Variants in MARCHF1 observed in about 807,000 individuals in gnomAD.
MARCHF1 encodes E3 ubiquitin-protein ligase MARCHF1.
Under a neutral mutation model 54.2 loss-of-function variants are expected in MARCHF1, and 40 were observed. That is an observed-to-expected ratio of 0.74 (90% CI 0.57 to 0.96). The LOEUF (loss-of-function observed/expected upper bound fraction) is 0.96. MARCHF1 is among the 40% of genes least tolerant of loss of function. MARCHF1 has a pLI of 0.00. For missense variants in MARCHF1, 586 were observed against 656.5 expected (o/e 0.89, Z 1.17); for synonymous variants, 236 against 236.3 (o/e 1.00, Z 0.01).
At chr4:163,962,365 C>T (rs925479401) in intron 3 of MARCHF1, among the ~76,000 whole-genome samples, 11 of 151,518 alleles carry the variant, frequency 7.3e-5, no homozygotes, top group Non-Finnish European at 1.0e-4. Flanking sequence ...AGGAGAGGGG[C>T]GGAGGTGTGG....
intron 3 of MARCHF1, among the ~76,000 whole-genome samples, chr4:163,936,188 A>G (rs1218646765): frequency 3.3e-5 from 5 of 152,188 alleles, no homozygotes; most frequent in Non-Finnish European, 7.3e-5. Context: ...CAACTCCAAC[A>G]GTAACATCAA....
At chr4:164,326,070 T>G (rs576840714) in intron 1 of MARCHF1, among the ~76,000 whole-genome samples, 2 of 152,286 alleles carry the variant, frequency 1.3e-5, no homozygotes, top group East Asian at 1.9e-4. Context: ...TATTTTTCAT[T>G]CTAAACTCCC....
chr4:163,751,827 T>TGTGA (rs1554010515), intron 4 of MARCHF1, among the ~76,000 whole-genome samples: 51 of 151,318 alleles, frequency 3.4e-4, no homozygotes, highest in Non-Finnish European at 4.9e-4. Context: ...TGTGTGTGTG[T>TGTGA]GATGAGGAAA....
At chr4:164,146,562 A>G (rs992448757) in intron 1 of MARCHF1, among the ~76,000 whole-genome samples, 2 of 152,180 alleles carry the variant, frequency 1.3e-5, no homozygotes, top group African/African-American at 4.8e-5. Flanking sequence ...GAGAAAAACA[A>G]GCAATGGGGA....
chr4:164,363,118 C>T (rs969956672), intron 1 of MARCHF1, among the ~76,000 whole-genome samples: 14 of 151,950 alleles, frequency 9.2e-5, no homozygotes, highest in South Asian at 8.3e-4. Context: ...AAGTTAAACA[C>T]GGCAGACTTT....
At chr4:164,155,606 CACTT>C (rs1730056291) in intron 1 of MARCHF1, among the ~76,000 whole-genome samples, 1 of 152,014 alleles carries the variant, frequency 6.6e-6, no homozygotes, top group Non-Finnish European at 1.5e-5. Flanking sequence ...CACATGTTCT[CACTT>C]ACAAGTGGGA....
chr4:164,003,725 T>C (rs1419861264), intron 2 of MARCHF1, among the ~76,000 whole-genome samples: 1 of 152,096 alleles, frequency 6.6e-6, no homozygotes, highest in Non-Finnish European at 1.5e-5. Context: ...GAAGACAGTG[T>C]GGTGATGCCC....
intron 5 of MARCHF1, among the ~76,000 whole-genome samples, chr4:163,638,342 G>T (rs980752274): frequency 6.6e-6 from 1 of 152,008 alleles, no homozygotes; most frequent in Admixed American, 6.6e-5. Flanking sequence ...CTCATGAATG[G>T]CTTAGTCCCA....
intron 2 of MARCHF1, among the ~76,000 whole-genome samples, chr4:164,001,040 G>C (rs753740353): frequency 1.3e-5 from 2 of 151,666 alleles, no homozygotes; most frequent in Admixed American, 6.6e-5. Flanking sequence ...TGGACATTTA[G>C]ACAATATTAA....
intron 1 of MARCHF1, among the ~76,000 whole-genome samples, chr4:164,112,084 T>C (rs1755844262): frequency 6.6e-6 from 1 of 151,850 alleles, no homozygotes; most frequent in South Asian, 2.1e-4. Context: ...TCTAGTTGTT[T>C]GATAAAAATA....
chr4:163,874,265 C>T (rs1157724486), intron 3 of MARCHF1, among the ~76,000 whole-genome samples: 7 of 152,064 alleles, frequency 4.6e-5, no homozygotes, highest in Admixed American at 3.9e-4. Flanking sequence ...AGCCACGTGG[C>T]GGAAGTACAC....
At chr4:163,782,667 T>TC (rs1747500234) in intron 4 of MARCHF1, among the ~76,000 whole-genome samples, 2 of 32,438 alleles carry the variant, frequency 6.2e-5, no homozygotes, top group East Asian at 6.0e-4. Flanking sequence ...AGACTCCATC[T>TC]CCAAAAAAAA....
At chr4:164,075,876 A>C (rs17044451) in intron 2 of MARCHF1, among the ~76,000 whole-genome samples, 4,217 of 152,258 alleles carry the variant, frequency 0.028, 181 homozygotes, top group African/African-American at 0.096. Context: ...ACACATATGC[A>C]TATAGGAGCC....
chr4:163,582,986 T>C (rs533680335), intron 8 of MARCHF1, among the ~76,000 whole-genome samples: 11 of 152,218 alleles, frequency 7.2e-5, no homozygotes, highest in African/African-American at 2.6e-4. Context: ...TTTCTCTAGG[T>C]TTTTAAAGCC....
intron 1 of MARCHF1, among the ~76,000 whole-genome samples, chr4:164,299,946 T>C (rs1354199448): frequency 6.6e-6 from 1 of 152,166 alleles, no homozygotes; most frequent in Non-Finnish European, 1.5e-5. Context: ...GTGGTAGAAT[T>C]CACTAATTAT....
At chr4:164,111,763 T>A (rs1376944668) in intron 1 of MARCHF1, 101 bp from the exon 2 acceptor site, 3 of 151,704 alleles carry the variant, frequency 2.0e-5, no homozygotes, top group Non-Finnish European at 4.4e-5. Flanking sequence ...TTGTAGAAAT[T>A]TTGGGCCTAT....
At chr4:163,606,505 G>C (rs1741147486) in intron 7 of MARCHF1, among the ~76,000 whole-genome samples, 1 of 152,100 alleles carries the variant, frequency 6.6e-6, no homozygotes, top group South Asian at 2.1e-4. Context: ...AGAGAGAAAA[G>C]ATAACTGTGG....
At chr4:164,380,063 C>G (rs1168076699) in intron 1 of MARCHF1, among the ~76,000 whole-genome samples, 1 of 150,596 alleles carries the variant, frequency 6.6e-6, no homozygotes, top group African/African-American at 2.4e-5. Flanking sequence ...CATACAAAAA[C>G]TGAGTGAATT....
chr4:164,133,970 T>C (rs1314842964), intron 1 of MARCHF1, among the ~76,000 whole-genome samples: 4 of 152,234 alleles, frequency 2.6e-5, no homozygotes, highest in Admixed American at 6.5e-5. Context: ...CTTAATTATA[T>C]TGAAAATTTC....
Sources: allele counts gnomAD v4.1 joint callset (sites outside exome capture counted in the v4.1 genomes callset), GRCh38; gene constraint gnomAD v4.1.1; transcripts MANE v1.5; gene names NCBI Gene and HGNC (gene_info 2026-07-23, HGNC 2026-07-21).